Variants in MFSD11 observed in about 807,000 individuals in gnomAD.
MFSD11 encodes the protein UNC93-like protein MFSD11.
In MFSD11, 36 loss-of-function variants were observed where a neutral mutation model predicts 53.5. That is an observed-to-expected ratio of 0.67 (90% CI 0.52 to 0.89). MFSD11 has a LOEUF of 0.89. Ranked by LOEUF, MFSD11 falls within the 40% of genes least tolerant of loss-of-function variation. The probability of loss-of-function intolerance (pLI) is 0.00; values close to 1 mark genes in which losing one functional copy is unlikely to be tolerated. For synonymous variants in MFSD11, 186 were observed against 184.9 expected, an observed-to-expected ratio of 1.01 and a Z score of -0.05; for missense variants, 530 against 543.9, an observed-to-expected ratio of 0.97 and a Z score of 0.25.
upstream of MFSD11, chr17:76,736,642 C>G: frequency 8.6e-7 from 1 of 1,166,890 alleles, no homozygotes. Context: ...TCGCAGACGG[C>G]GGAAGCTCGC....
At chr17:76,738,903 A>C (rs371418593) in intron 1 of MFSD11, 35 bp from the exon 2 acceptor site, 67 of 1,597,514 alleles carry the variant, frequency 4.2e-5, no homozygotes, top group Non-Finnish European at 5.3e-5. Flanking sequence ...GAGACTGCAA[A>C]ACATTTTCGT....
At position 76,776,998 on chromosome 17, in the gene MFSD11, C is replaced by A. The variant is rs572808803; in HGVS notation, c.1185+457C>A. Among the ~76,000 whole-genome samples the A allele has an allele frequency of 6.6e-6, 1 of 151,870 alleles. No homozygotes were observed. The highest frequency in any genetic ancestry group is 2.1e-4 in the South Asian group (1 of 4,820). On this transcript the variant is annotated intron_variant, in intron 12 of 12. Transcript: ENST00000685175. This position sits in a 1 kb window ranked among gnomAD's most constrained non-coding sequence, Gnocchi z 4.2. ...TTTTAAAGACAAAGTCGGCCCGCCG[C>A]GGCTCACACTTGTAATCCCAGCACT... is the stretch of plus-strand genomic sequence containing the variant.
Position 76,778,268 on chromosome 17 carries a change from G to GT in MFSD11, c.1272dup (p.Gly425TrpfsTer21). 1.9e-6 allele frequency: 3 copies of GT among 1,614,132 alleles called. No individual in the cohort carries two copies. Among genetic ancestry groups the GT allele is most frequent in the Non-Finnish European group, 2.5e-6 (3 of 1,180,022 alleles). On this transcript the variant is annotated frameshift_variant, in exon 13 of 13. Transcript: ENST00000685175. LOFTEE classifies it high-confidence loss of function. ...AACTCCTGGTCATGGTGATATTTGG[G>GT]TTTTTTGGAACAATTTCTTTCTTCA...
intron 10 of MFSD11, chr17:76,773,285 C>T (rs1398694940): frequency 6.6e-6 from 1 of 152,308 alleles, no homozygotes; most frequent in Non-Finnish European, 1.5e-5. Context: ...TGGGTTCTTT[C>T]TCCCTCTGCT....
chr17:76,768,975 G>T (rs561876633), intron 9 of MFSD11, among the ~76,000 whole-genome samples: 1 of 142,436 alleles, frequency 7.0e-6, no homozygotes, highest in Non-Finnish European at 1.5e-5. Flanking sequence ...AACAGAGCAA[G>T]ACTCTCTCTC....
downstream of MFSD11, among the ~76,000 whole-genome samples, chr17:76,786,203 G>A (rs578232264): frequency 6.8e-6 from 1 of 146,616 alleles, no homozygotes; most frequent in East Asian, 2.1e-4. Flanking sequence ...GGAGTGTAGT[G>A]GTGTGATCTC....
chr17:76,787,228 T>C, the MFSD11 span, among the ~76,000 whole-genome samples: 2,789 of 150,306 alleles, frequency 0.019, 144 homozygotes, highest in African/African-American at 0.063. Context: ...CTCCGCCTCC[T>C]GGGTTCAAGC....
At chr17:76,790,254 A>T in the MFSD11 span, among the ~76,000 whole-genome samples, 2 of 146,652 alleles carry the variant, frequency 1.4e-5, no homozygotes, top group South Asian at 4.5e-4. Context: ...TTTAGTAGAG[A>T]CAGGGTTTCA....
intron 8 of MFSD11, among the ~76,000 whole-genome samples, chr17:76,761,605 T>G (rs2080239377): frequency 6.6e-6 from 1 of 152,200 alleles, no homozygotes; most frequent in South Asian, 2.1e-4. Context: ...AGGTGTTAGA[T>G]TCTGCCTTTT....
In MFSD11 at chr17:76,759,692, C is replaced by T. The variant is rs536327634; in HGVS notation, c.682+5605C>T. Among the ~76,000 whole-genome samples the T allele has an allele frequency of 1.8e-4, 25 of 141,768 alleles. No individual in the cohort carries two copies. The East Asian group carries it at 5.2e-3, about 29-fold the overall frequency. 93.0% of individuals were successfully genotyped at this position (141,768 alleles called of 152,430 possible). On this transcript the variant is annotated intron_variant, in intron 8 of 12. Coordinates refer to ENST00000685175, the MANE Select transcript of MFSD11 (RefSeq NM_001242532.5). ...CAGGATGGTCTCGATCTCCTGATCT[C>T]GTGATCTGCCTACCTTGGCCTCCCA...
intron 8 of MFSD11, among the ~76,000 whole-genome samples, chr17:76,765,629 A>G (rs1598704458): frequency 6.6e-6 from 1 of 151,524 alleles, no homozygotes; most frequent in Non-Finnish European, 1.5e-5. Context: ...TGCCTGGCTA[A>G]TTTTTGTAGT....
intron 8 of MFSD11, among the ~76,000 whole-genome samples, chr17:76,758,148 G>A (rs767437966): frequency 6.6e-5 from 10 of 152,158 alleles, no homozygotes; most frequent in Non-Finnish European, 1.3e-4. Flanking sequence ...CATGCTCATA[G>A]AGGAATATAG....
rs1232364422 is a variant in MFSD11 at position 76,779,206 on chromosome 17, A to G, written c.*854A>G. ...GAGGCGGAGGTTGCAGTGAGCCGAG[A>G]TCGTGCCATTGCACTCCAGCCTGGA... On this transcript the variant is annotated 3_prime_UTR_variant, in exon 13 of 13. Coordinates refer to ENST00000685175, the MANE Select transcript of MFSD11 (RefSeq NM_001242532.5). The G allele has an allele frequency of 2.0e-5, 3 of 147,232 alleles. No homozygotes were observed. The highest frequency in any genetic ancestry group is 4.1e-4 in the East Asian group (2 of 4,872). 9.1% of individuals were successfully genotyped at this position (147,232 alleles called of 1,614,324 possible).
the MFSD11 span, among the ~76,000 whole-genome samples, chr17:76,787,664 A>G: frequency 6.7e-6 from 1 of 149,940 alleles, no homozygotes; most frequent in African/African-American, 2.4e-5. Flanking sequence ...ATCAGCAGTG[A>G]AATGATTGAA....
rs1445473100 is a variant in MFSD11 at position 76,740,850 on chromosome 17, AGT to A, written c.153-104_153-103del. 23 of 669,966 alleles carry A rather than the reference AGT, an allele frequency of 3.4e-5. No individual in the cohort carries two copies. In the Admixed American group the frequency reaches 6.0e-4, roughly 17 times the overall value. The allele number at this position is 669,966 out of a possible 1,614,324, so 41.5% of individuals were successfully genotyped here. A position where few individuals can be genotyped will look rare whatever the true frequency, so the allele number is the denominator to read the frequency against. ...TCATAAATTCTGACTAAATAATATG[AGT>A]GTTTATTGTAAAATCTATAAACAAA... On this transcript the variant is annotated intron_variant, in intron 2 of 12. Transcript: ENST00000685175.
downstream of MFSD11, among the ~76,000 whole-genome samples, chr17:76,782,639 C>T (rs982125864): frequency 5.9e-5 from 9 of 151,366 alleles, no homozygotes; most frequent in Non-Finnish European, 8.8e-5. Context: ...CCACCATGCC[C>T]GGCTAATTTT....
At chr17:76,794,641 C>A in the MFSD11 span, among the ~76,000 whole-genome samples, 179 of 65,416 alleles carry the variant, frequency 2.7e-3, no homozygotes, top group South Asian at 7.6e-3. Context: ...AACTCTGTCT[C>A]AAAAAAAAAA....
chr17:76,799,957 T>TC, the MFSD11 span, among the ~76,000 whole-genome samples: 8,886 of 101,320 alleles, frequency 0.088, 489 homozygotes, highest in African/African-American at 0.13. Context: ...TCTTTTTCCT[T>TC]TTTTTTTTTT....
At position 76,776,112 on chromosome 17, in the gene MFSD11, G is replaced by A. The variant is rs2081813235; in HGVS notation, c.1050-294G>A. On this transcript the variant is annotated intron_variant, in intron 11 of 12. Transcript: ENST00000685175. This position sits in a 1 kb window ranked among gnomAD's most constrained non-coding sequence, Gnocchi z 4.2. ...TCGTGTCTCAGCCTCCCGAGTAGCTGGGATTACAGGCACGCGCCACTATGC... is the reference window on the plus strand; with the variant it reads ...TCGTGTCTCAGCCTCCCGAGTAGCTAGGATTACAGGCACGCGCCACTATGC... 6.6e-6 allele frequency among the ~76,000 whole-genome samples: 1 copy of A among 152,132 alleles called. No homozygotes were observed. The highest frequency in any genetic ancestry group is 2.4e-5 in the African/African-American group (1 of 41,412).
Sources: allele counts gnomAD v4.1 joint callset (sites outside exome capture counted in the v4.1 genomes callset), GRCh38; gene constraint gnomAD v4.1.1; non-coding constraint Gnocchi (gnomAD v3.1); transcripts MANE v1.5; gene names NCBI Gene and HGNC (gene_info 2026-07-23, HGNC 2026-07-21).